The following MYRF variants were observed in gnomAD, a reference collection of about 807,000 sequenced individuals.
MYRF encodes the protein myelin regulatory factor, also known as myelin gene regulatory factor.
MYRF carries 16 observed loss-of-function variants against 126.3 expected under a neutral mutation model. The ratio of observed to expected loss-of-function variants is 0.13; its 90% CI spans 0.09 to 0.19. The LOEUF (loss-of-function observed/expected upper bound fraction) is 0.19, where lower values mean the gene tolerates loss of function less well. Ranked by LOEUF, MYRF falls within the 10% of genes least tolerant of loss-of-function variation. The pLI, the probability that MYRF is intolerant of heterozygous loss-of-function variation, is 1.00. For synonymous variants in MYRF, 608 were observed against 635.3 expected (o/e 0.96, Z 0.65); for missense variants, 1,104 against 1,547.0 (o/e 0.71, Z 4.80).
intron 3 of MYRF, chr11:61,767,530 C>T: frequency 2.4e-6 from 1 of 425,424 alleles, no homozygotes; most frequent in South Asian, 1.7e-5. Context: ...AGGTGATAAA[C>T]AAGACAGACA....
At chr11:61,755,181 C>A (rs2065712762) in intron 1 of MYRF, among the ~76,000 whole-genome samples, 2 of 152,280 alleles carry the variant, frequency 1.3e-5, no homozygotes, top group South Asian at 4.1e-4. Context: ...AGCGCGCCCC[C>A]TCACCTGACG....
chr11:61,763,364 C>T (rs1347758727), intron 1 of MYRF, among the ~76,000 whole-genome samples: 1 of 152,196 alleles, frequency 6.6e-6, no homozygotes, highest in Non-Finnish European at 1.5e-5. Context: ...TCGTCCCTGG[C>T]CTGGTAGGCA....
chr11:61,781,373 C>A, intron 21 of MYRF, 44 bp downstream of exon 21: 1 of 1,602,900 alleles, frequency 6.2e-7, no homozygotes, highest in African/African-American at 1.3e-5. Flanking sequence ...GGGCTACCTG[C>A]GTAGAGAGAA....
At chr11:61,785,983 T>C in intron 26 of MYRF, 80 bp from the exon 27 acceptor site, 1 of 1,547,730 alleles carries the variant, frequency 6.5e-7, no homozygotes, top group East Asian at 2.2e-5. Flanking sequence ...GGGGGCACAG[T>C]GTCAAGCAAT....
At chr11:61,781,111 G>A (rs2066531549) in intron 20 of MYRF, 27 bp from the exon 21 acceptor site, 1 of 1,612,036 alleles carries the variant, frequency 6.2e-7, no homozygotes, top group African/African-American at 1.3e-5. Flanking sequence ...GGGCTTCTCT[G>A]GCTCATACAG....
chr11:61,768,088 A>G (rs1421772618), intron 3 of MYRF, among the ~76,000 whole-genome samples: 2 of 151,332 alleles, frequency 1.3e-5, no homozygotes, highest in African/African-American at 4.9e-5. Context: ...ACTGGACTCC[A>G]GCCTGGGTGA....
rs1591075021 is a variant in MYRF at position 61,757,791 on chromosome 11, C to G, written c.46+5001C>G. On this transcript the variant is annotated intron_variant, in intron 1 of 26. Transcript: ENST00000278836. The surrounding 1 kb of genome is among the most constrained non-coding windows in gnomAD (Gnocchi z 4.7). ...GGTGCAGTGGAAGCGTGGGTGACGG[C>G]CTCCCATTTCTGAGGGGGACTGTGA... The G allele has an allele frequency of 3.0e-6, 1 of 333,566 alleles. No individual in the cohort carries two copies. Among genetic ancestry groups the G allele is most frequent in the East Asian group, 7.8e-5 (1 of 12,846 alleles). 20.7% of individuals were successfully genotyped at this position (333,566 alleles called of 1,614,324 possible).
In MYRF at chr11:61,783,207, C is replaced by A. The variant is rs1289373552; in HGVS notation, c.3017-291C>A. ...GGAGAGATGCCCGCAGTCAGGAACA[C>A]AGGCCTCGAGCGGGCTCCTGCACAC... On this transcript the variant is annotated intron_variant, in intron 22 of 26. Coordinates refer to ENST00000278836, the MANE Select transcript of MYRF (RefSeq NM_001127392.3). This position sits in a 1 kb window ranked among gnomAD's most constrained non-coding sequence, Gnocchi z 4.6. 3.4e-6 allele frequency: 1 copy of A among 296,374 alleles called. No individual in the cohort carries two copies. Among genetic ancestry groups the A allele is most frequent in the African/African-American group, 2.1e-5 (1 of 46,938 alleles). 18.4% of individuals were successfully genotyped at this position (296,374 alleles called of 1,614,324 possible).
Position 61,776,464 on chromosome 11 carries a change from C to T in MYRF, c.1499+32C>T, listed in dbSNP as rs753910941. 3.8e-6 allele frequency: 6 copies of T among 1,581,600 alleles called. No homozygotes were observed. Among genetic ancestry groups the T allele is most frequent in the Non-Finnish European group, 5.2e-6 (6 of 1,158,846 alleles). On this transcript the variant is annotated intron_variant, in intron 10 of 26. Coordinates refer to ENST00000278836, the MANE Select transcript of MYRF (RefSeq NM_001127392.3). The surrounding 1 kb of genome is among the most constrained non-coding windows in gnomAD (Gnocchi z 4.3). ...AGGTGGGGGCCCTGCCCCGGAGCCC[C>T]TCCATTTCTGAGGCAGGAAGACACT...
At position 61,771,677 on chromosome 11, in the gene MYRF, C is replaced by T; in HGVS notation, c.918C>T (p.Gly306=). ...CTCCCCAGGGTCCGCTCTCCCCGGG[C>T]CCTGGTTCCTTGCCTCTCAGCATTG... ...PWPPQGPLSP[G]PGSLPLSIAR... The change falls in exon 6 of 27, where the codon GGC becomes GGT. Residue 306 remains glycine, a synonymous_variant. Coordinates refer to ENST00000278836, the MANE Select transcript of MYRF (RefSeq NM_001127392.3). 6.2e-7 allele frequency: 1 copy of T among 1,613,886 alleles called. No homozygotes were observed. The highest frequency in any genetic ancestry group is 8.5e-7 in the Non-Finnish European group (1 of 1,180,002).
At chr11:61,755,410 A>G in intron 1 of MYRF, 1 of 1,608,748 alleles carries the variant, frequency 6.2e-7, no homozygotes, top group Non-Finnish European at 8.5e-7. Context: ...CAGAGAGGGG[A>G]CCCACCGGGC....
chr11:61,752,984 T>C (rs2065647975), intron 1 of MYRF, among the ~76,000 whole-genome samples, 194 bp downstream of exon 1: 2 of 151,880 alleles, frequency 1.3e-5, no homozygotes, highest in South Asian at 4.2e-4. Flanking sequence ...GCCGCTGAAG[T>C]TGGGCTCCCC....
At position 61,786,210 on chromosome 11, in the gene MYRF, C is replaced by A; in HGVS notation, c.*67C>A. On this transcript the variant is annotated 3_prime_UTR_variant, in exon 27 of 27. Coordinates refer to ENST00000278836, the MANE Select transcript of MYRF (RefSeq NM_001127392.3). This position sits in a 1 kb window ranked among gnomAD's most constrained non-coding sequence, Gnocchi z 4.5. ...CCCAGGCACCCCCCAACACTGGATG[C>A]AATGGTGTTACACTGGAGCCCGCTG... is the stretch of plus-strand genomic sequence containing the variant. The A allele has an allele frequency of 6.8e-7, 1 of 1,467,332 alleles. No homozygotes were observed. Among genetic ancestry groups the A allele is most frequent in the Non-Finnish European group, 9.5e-7 (1 of 1,048,916 alleles). 90.9% of individuals were successfully genotyped at this position (1,467,332 alleles called of 1,614,324 possible).
intron 25 of MYRF, 105 bp from the exon 26 acceptor site, chr11:61,785,695 T>A (rs2066676215): frequency 3.4e-6 from 3 of 885,668 alleles, no homozygotes; most frequent in Non-Finnish European, 5.5e-6. Flanking sequence ...CTTTTTTCCT[T>A]CATAAAACTC....
rs769945947 is a variant in MYRF at position 61,783,935 on chromosome 11, G to A, written c.3194+10G>A. 5.0e-6 allele frequency: 8 copies of A among 1,594,908 alleles called. No homozygotes were observed. Among genetic ancestry groups the A allele is most frequent in the South Asian group, 2.3e-5 (2 of 88,240 alleles). On this transcript the variant is annotated intron_variant, in intron 24 of 26. Coordinates refer to ENST00000278836, the MANE Select transcript of MYRF (RefSeq NM_001127392.3). The surrounding 1 kb of genome is among the most constrained non-coding windows in gnomAD (Gnocchi z 4.6). The stretch of plus-strand genomic sequence containing the variant: ...TGACTCTGCAGATGAAGTGAGTGCC[G>A]GTGTGGGGAAGTGGGAGGCAGGAGG...
Position 61,774,018 on chromosome 11 carries a change from G to T in MYRF, c.1167G>T (p.Val389=). ...VDADKGFNFS[V]GDDAFVCQKK... is the part of the protein sequence containing the mutation. ...CGGACAAGGGCTTCAACTTTTCGGT[G>T]GGCGACGACGCCTTTGTGTGCCAGA... Residue 389 remains valine (V), a synonymous_variant, in exon 8 of 27, where the codon GTG becomes GTT. Coordinates refer to ENST00000278836, the MANE Select transcript of MYRF (RefSeq NM_001127392.3). 1 of 1,613,428 alleles carries T rather than the reference G, an allele frequency of 6.2e-7. No homozygotes were observed.
In MYRF at chr11:61,770,352, G is replaced by GCCCCCCCCC; in HGVS notation, c.569_570insCCCCCCCCC (p.Pro194_Pro196dup). 1 of 237,454 alleles carries GCCCCCCCCC rather than the reference G, an allele frequency of 4.2e-6. No individual in the cohort carries two copies. The highest frequency in any genetic ancestry group is 5.7e-5 in the South Asian group (1 of 17,692). 14.7% of individuals were successfully genotyped at this position (237,454 alleles called of 1,614,324 possible). ...CTCCAGCCCACTTGCCAGGCCCCCC[G>GCCCCCCCCC]CCACCCCCACCACCCCCACCTCACT... On this transcript the variant is annotated inframe_insertion, in exon 5 of 27. Coordinates refer to ENST00000278836, the MANE Select transcript of MYRF (RefSeq NM_001127392.3).
chr11:61,784,234 AG>A, intron 24 of MYRF, 45 bp from the exon 25 acceptor site: 1 of 1,568,408 alleles, frequency 6.4e-7, no homozygotes, highest in East Asian at 2.3e-5. Flanking sequence ...GCTGGGGTTG[AG>A]GGACTCTAGA....
rs779752658 is a variant in MYRF, at chr11:61,773,958, C to T, written c.1116-9C>T. The T allele has an allele frequency of 1.9e-6, 3 of 1,586,588 alleles. No homozygotes were observed. The highest frequency in any genetic ancestry group is 1.1e-5 in the South Asian group (1 of 90,126). On this transcript the variant is annotated splice_polypyrimidine_tract_variant and intron_variant, in intron 7 of 26. Transcript: ENST00000278836. Reference sequence around the variant, plus strand: ...GGCCTCAGGGGAGTGCCCTCACCCGCCCCCCCAGGCCCATGCTCACCTACC... The same window carrying T: ...GGCCTCAGGGGAGTGCCCTCACCCGTCCCCCCAGGCCCATGCTCACCTACC...
Sources: gnomAD v4.1 joint callset for allele counts (sites outside exome capture counted in the v4.1 genomes callset) on GRCh38, gnomAD v4.1.1 for gene constraint, Gnocchi (gnomAD v3.1) non-coding constraint, MANE v1.5 for transcripts, NCBI Gene and HGNC (gene_info 2026-07-23, HGNC 2026-07-21) for gene names.